The following SLC25A13 variants were observed in gnomAD, a reference collection of about 807,000 sequenced individuals.
SLC25A13 encodes electrogenic aspartate/glutamate antiporter SLC25A13, mitochondrial.
Under a neutral mutation model 85.5 loss-of-function variants are expected in SLC25A13, and 70 were observed. The observed-to-expected ratio is 0.82, with a 90% CI of 0.68 to 1.00. The LOEUF is 1.00. Ranked by LOEUF, SLC25A13 falls within the 50% of genes least tolerant of loss-of-function variation. The pLI is 0.00. For missense variants in SLC25A13, 765 were observed against 819.8 expected, an observed-to-expected ratio of 0.93 and a Z score of 0.82; for synonymous variants, 259 against 288.7, an observed-to-expected ratio of 0.90 and a Z score of 1.04.
At chr7:96,207,899 G>A (rs928175156) in intron 5 of SLC25A13, among the ~76,000 whole-genome samples, 30 of 152,096 alleles carry the variant, frequency 2.0e-4, no homozygotes, top group African/African-American at 6.3e-4. Flanking sequence ...AAGAAAGTGC[G>A]CAAGTGCCCT....
intron 4 of SLC25A13, among the ~76,000 whole-genome samples, chr7:96,222,770 G>A (rs1192668449): frequency 6.6e-6 from 1 of 152,072 alleles, no homozygotes; most frequent in East Asian, 1.9e-4. Flanking sequence ...TAATTCGTTA[G>A]TTACTCTACA....
Position 96,219,757 on chromosome 7 carries a change from C to T in SLC25A13, c.329-10780G>A, listed in dbSNP as rs372847034. ...CCCATGGTCTACCTCATTGATAAGACTCCCTCCTCCTCTATAATCTGACAG... is the reference window on the plus strand; with the variant it reads ...CCCATGGTCTACCTCATTGATAAGATTCCCTCCTCCTCTATAATCTGACAG... On this transcript the variant is annotated intron_variant, in intron 4 of 17. Coordinates refer to ENST00000265631, the MANE Select transcript of SLC25A13 (RefSeq NM_014251.3). The T allele has an allele frequency of 7.5e-6, 4 of 534,084 alleles. No homozygotes were observed. The African/African-American group carries it at 7.7e-5, about 10-fold the overall frequency. The allele number at this position is 534,084 out of a possible 1,614,324, so 33.1% of individuals were successfully genotyped here. A position where few individuals can be genotyped will look rare whatever the true frequency, so the allele number is the denominator to read the frequency against.
At chr7:96,228,203 A>G (rs956751459) in intron 4 of SLC25A13, among the ~76,000 whole-genome samples, 2 of 152,160 alleles carry the variant, frequency 1.3e-5, no homozygotes, top group African/African-American at 4.8e-5. Flanking sequence ...CTATCCACAA[A>G]AGAAAATGCT....
At chr7:96,127,795 T>A (rs1791790784) in intron 15 of SLC25A13, among the ~76,000 whole-genome samples, 1 of 152,218 alleles carries the variant, frequency 6.6e-6, no homozygotes, top group African/African-American at 2.4e-5. Context: ...TGCCTGAAAC[T>A]CCATCTAAAA....
At chr7:96,226,438 G>A (rs1423041101) in intron 4 of SLC25A13, among the ~76,000 whole-genome samples, 5 of 152,028 alleles carry the variant, frequency 3.3e-5, no homozygotes, top group East Asian at 3.9e-4. Context: ...TGGCTGTTGC[G>A]AACAGTGCTG....
chr7:96,231,862 A>G (rs914676519), intron 4 of SLC25A13, among the ~76,000 whole-genome samples: 6 of 152,238 alleles, frequency 3.9e-5, no homozygotes, highest in Non-Finnish European at 8.8e-5. Flanking sequence ...CAAAACTACA[A>G]CTAGATACCA....
chr7:96,157,651 A>C (rs1188407921), intron 13 of SLC25A13, among the ~76,000 whole-genome samples: 1 of 152,090 alleles, frequency 6.6e-6, no homozygotes, highest in Non-Finnish European at 1.5e-5. Flanking sequence ...TAAAAATACA[A>C]AAATTATCTG....
At chr7:96,309,848 C>A (rs1056995872) in intron 1 of SLC25A13, among the ~76,000 whole-genome samples, 1 of 152,158 alleles carries the variant, frequency 6.6e-6, no homozygotes, top group South Asian at 2.1e-4. Flanking sequence ...CCAATCCCAG[C>A]CCCTCGGAAG....
chr7:96,197,435 T>C (rs1321168942), intron 5 of SLC25A13, among the ~76,000 whole-genome samples: 1 of 152,142 alleles, frequency 6.6e-6, no homozygotes, highest in Non-Finnish European at 1.5e-5. Context: ...TTTTGCTCTC[T>C]TTCCCATAGC....
At chr7:96,155,898 A>T (rs1200692614) in intron 13 of SLC25A13, among the ~76,000 whole-genome samples, 1 of 152,212 alleles carries the variant, frequency 6.6e-6, no homozygotes, top group Non-Finnish European at 1.5e-5. Context: ...ACTTCTCTTC[A>T]AGGTAGTAAA....
chr7:96,227,976 T>C (rs1584482933), intron 4 of SLC25A13, among the ~76,000 whole-genome samples: 1 of 152,160 alleles, frequency 6.6e-6, no homozygotes, highest in East Asian at 1.9e-4. Context: ...GCGATTCTCC[T>C]GCCTCAGCCT....
chr7:96,192,901 T>C, intron 6 of SLC25A13, 136 bp downstream of exon 6: 1 of 967,864 alleles, frequency 1.0e-6, no homozygotes, highest in Non-Finnish European at 1.6e-6. Flanking sequence ...TTTGTTTGAG[T>C]TTAGTAATGT....
At chr7:96,207,722 A>G (rs1036330881) in intron 5 of SLC25A13, among the ~76,000 whole-genome samples, 9 of 152,174 alleles carry the variant, frequency 5.9e-5, no homozygotes, top group African/African-American at 9.7e-5. Context: ...AAGGAAAACT[A>G]AGTTATAATC....
intron 3 of SLC25A13, among the ~76,000 whole-genome samples, chr7:96,249,378 T>C (rs1321910946): frequency 2.0e-5 from 3 of 152,208 alleles, no homozygotes; most frequent in Non-Finnish European, 4.4e-5. Context: ...GTTATACAAA[T>C]AGCCACACCA....
intron 3 of SLC25A13, among the ~76,000 whole-genome samples, chr7:96,249,895 A>C (rs989527734): frequency 2.0e-5 from 3 of 151,652 alleles, no homozygotes; most frequent in African/African-American, 7.3e-5. Context: ...AAAAAAAAAA[A>C]ACTCTAGGCC....
Position 96,170,033 on chromosome 7 carries a change from A to G in SLC25A13, c.1311+12T>C. The stretch of plus-strand genomic sequence containing the variant: ...AGTCTTTTCAATGAAGAGAGCTTCA[A>G]AAGGTACTTACGCAGCCTCCAGCAA... On this transcript the variant is annotated intron_variant, in intron 13 of 17. Coordinates refer to ENST00000265631, the MANE Select transcript of SLC25A13 (RefSeq NM_014251.3). 5 of 1,613,792 alleles carry G rather than the reference A, an allele frequency of 3.1e-6. No homozygotes were observed. In the South Asian group the frequency reaches 5.5e-5, roughly 18 times the overall value.
chr7:96,162,790 A>G (rs2116546115), intron 13 of SLC25A13, among the ~76,000 whole-genome samples: 1 of 152,322 alleles, frequency 6.6e-6, no homozygotes, highest in African/African-American at 2.4e-5. Flanking sequence ...TGAGAGAGAC[A>G]AAGGCCAAGT....
intron 14 of SLC25A13, among the ~76,000 whole-genome samples, chr7:96,138,270 A>T (rs1337073106): frequency 6.6e-6 from 1 of 152,038 alleles, no homozygotes; most frequent in African/African-American, 2.4e-5. Flanking sequence ...AGGCAAATTG[A>T]CTTTTTTTCT....
At chr7:96,136,801 C>T (rs538744960) in intron 14 of SLC25A13, among the ~76,000 whole-genome samples, 1 of 152,236 alleles carries the variant, frequency 6.6e-6, no homozygotes, top group African/African-American at 2.4e-5. Flanking sequence ...GTCTGGGAGA[C>T]GGAGGCTTAA....
Sources: gnomAD v4.1 joint callset for allele counts (sites outside exome capture counted in the v4.1 genomes callset) on GRCh38, gnomAD v4.1.1 for gene constraint, MANE v1.5 for transcripts, NCBI Gene and HGNC (gene_info 2026-07-23, HGNC 2026-07-21) for gene names.